PKHD1: variants seen among roughly 807,000 people sequenced by gnomAD.
PKHD1 encodes the protein PKHD1 ciliary IPT domain containing fibrocystin/polyductin, also known as fibrocystin.
Under a neutral mutation model 412.0 loss-of-function variants are expected in PKHD1, and 291 were observed. The observed-to-expected ratio is 0.71, with a 90% CI of 0.64 to 0.78. The LOEUF is 0.78. PKHD1 is among the 30% of genes least tolerant of loss of function. The pLI is 0.00. For synonymous variants in PKHD1, 1,777 were observed against 1,821.5 expected (o/e 0.98, Z 0.62); for missense variants, 4,825 against 4,950.7 (o/e 0.97, Z 0.76).
chr6:51,753,105 G>T, intron 57 of PKHD1, 96 bp downstream of exon 57: 1 of 1,102,730 alleles, frequency 9.1e-7, no homozygotes, highest in Non-Finnish European at 1.4e-6. Context: ...TGAACATTTT[G>T]TTTTATAAAT....
chr6:51,862,160 C>G (rs1321953586), intron 48 of PKHD1, among the ~76,000 whole-genome samples: 1 of 152,178 alleles, frequency 6.6e-6, no homozygotes, highest in East Asian at 1.9e-4. Flanking sequence ...GACCCTTCTT[C>G]CCAACTATAT....
Position 52,053,125 on chromosome 6 carries a change from C to T in PKHD1, c.2091G>A (p.Thr697=), listed in dbSNP as rs147826962. 15 of 1,614,192 alleles carry T rather than the reference C, an allele frequency of 9.3e-6. No individual in the cohort carries two copies. The African/African-American group carries it at 1.2e-4, about 13-fold the overall frequency. ...QINLLPLAQE[T]GLFYVDEIII... ...TAATTTCATCCACATAGAACAGGCCCGTCTCCTGGGCCAGAGGGAGAAGGT... is the reference window on the plus strand; with the variant it reads ...TAATTTCATCCACATAGAACAGGCCTGTCTCCTGGGCCAGAGGGAGAAGGT... The change falls in exon 21 of 67, where the codon ACG becomes ACA. Residue 697 remains threonine, a synonymous_variant. Transcript: ENST00000371117.
At chr6:51,912,975 T>C (rs898728883) in intron 37 of PKHD1, among the ~76,000 whole-genome samples, 3 of 152,054 alleles carry the variant, frequency 2.0e-5, no homozygotes, top group Non-Finnish European at 4.4e-5. Flanking sequence ...TCTTCCATCA[T>C]AGGGTTTTGG....
chr6:51,747,738 T>A, intron 58 of PKHD1, 49 bp downstream of exon 58: 1 of 1,521,186 alleles, frequency 6.6e-7, no homozygotes, highest in Non-Finnish European at 9.1e-7. Flanking sequence ...AAAAATTTTA[T>A]GCATGGATGT....
chr6:51,838,245 TGAGA>T (rs757104800), intron 50 of PKHD1, among the ~76,000 whole-genome samples: 2 of 152,344 alleles, frequency 1.3e-5, no homozygotes, highest in South Asian at 2.1e-4. Flanking sequence ...TTCAAATTTT[TGAGA>T]GAGAGATTTT....
At chr6:52,070,483 G>T (rs761190296) in intron 9 of PKHD1, 38 bp from the exon 10 acceptor site, 5 of 1,525,302 alleles carry the variant, frequency 3.3e-6, no homozygotes, top group Non-Finnish European at 4.5e-6. Flanking sequence ...TCAGGAATCT[G>T]CACGAGTCTT....
intron 64 of PKHD1, among the ~76,000 whole-genome samples, chr6:51,638,366 TA>T (rs1326618886): frequency 6.6e-6 from 1 of 152,172 alleles, no homozygotes; most frequent in African/African-American, 2.4e-5. Flanking sequence ...GTGTTTTTTT[TA>T]CATGTTTTGT....
chr6:51,907,316 T>C (rs538566803), intron 40 of PKHD1, among the ~76,000 whole-genome samples: 82 of 152,276 alleles, frequency 5.4e-4, no homozygotes, highest in African/African-American at 1.9e-3. Flanking sequence ...TTCTAAACTT[T>C]AACATCACTA....
intron 64 of PKHD1, among the ~76,000 whole-genome samples, chr6:51,637,966 T>C (rs1768802185): frequency 6.6e-6 from 1 of 152,190 alleles, no homozygotes; most frequent in South Asian, 2.1e-4. Flanking sequence ...TTACAGATCT[T>C]ACCAGTGTCA....
chr6:51,728,660 C>G (rs978528394), intron 60 of PKHD1, among the ~76,000 whole-genome samples: 9 of 152,196 alleles, frequency 5.9e-5, no homozygotes, highest in African/African-American at 2.2e-4. Flanking sequence ...CCTGCCATTA[C>G]CTGAATTTTG....
At chr6:51,807,921 G>A (rs569628268) in intron 52 of PKHD1, among the ~76,000 whole-genome samples, 12 of 152,094 alleles carry the variant, frequency 7.9e-5, no homozygotes, top group African/African-American at 2.2e-4. Flanking sequence ...GGGAGATTGC[G>A]GACTAGGGAG....
chr6:51,959,876 T>G lies in PKHD1; in HGVS notation c.5902A>C (p.Ile1968Leu). 2 of 1,612,942 alleles carry G rather than the reference T, an allele frequency of 1.2e-6. No homozygotes were observed. Among genetic ancestry groups the G allele is most frequent in the Non-Finnish European group, 1.7e-6 (2 of 1,179,114 alleles). Residue 1968 changes from isoleucine (I) to leucine (L), a missense_variant, in exon 36 of 67, where the codon ATT becomes CTT. Physicochemically the swap from Ile to Leu is conservative, Grantham distance 5 (BLOSUM62 2). Coordinates refer to ENST00000371117, the MANE Select transcript of PKHD1 (RefSeq NM_138694.4). ...TNTSILNLLH[I>L]KGGKLIFMAP... Reference sequence around the variant, plus strand: ...ACCTACAAACTTCACACACCTTTAATGTGCAGTAAGTTGAGGATGCTTGTG... The same window carrying G: ...ACCTACAAACTTCACACACCTTTAAGGTGCAGTAAGTTGAGGATGCTTGTG...
At chr6:51,735,311 A>G (rs1361112859) in intron 60 of PKHD1, among the ~76,000 whole-genome samples, 1 of 152,022 alleles carries the variant, frequency 6.6e-6, no homozygotes, top group African/African-American at 2.4e-5. Flanking sequence ...ACTTCTCCAA[A>G]CCTCTATTTT....
chr6:51,684,360 T>C (rs1777138261), intron 60 of PKHD1, among the ~76,000 whole-genome samples: 2 of 152,136 alleles, frequency 1.3e-5, no homozygotes, highest in South Asian at 4.1e-4. Context: ...AGATTATTTG[T>C]TAATTGGAGT....
At chr6:52,078,198 T>C (rs560180914) in intron 5 of PKHD1, among the ~76,000 whole-genome samples, 1 of 152,252 alleles carries the variant, frequency 6.6e-6, no homozygotes, top group East Asian at 1.9e-4. Flanking sequence ...AGGGCTTCAC[T>C]TGTGATTCTC....
intron 55 of PKHD1, among the ~76,000 whole-genome samples, chr6:51,771,646 T>C (rs1236305047): frequency 2.0e-5 from 3 of 152,144 alleles, no homozygotes; most frequent in Non-Finnish European, 2.9e-5. Flanking sequence ...TGTTTTGTTT[T>C]AATAACCATA....
intron 35 of PKHD1, among the ~76,000 whole-genome samples, chr6:51,982,383 G>GA (rs1795537256): frequency 7.9e-6 from 1 of 126,116 alleles, no homozygotes; most frequent in African/African-American, 2.7e-5. Context: ...GAAGGGTGGG[G>GA]AAAAAATTGA....
At chr6:52,020,816 A>G in intron 33 of PKHD1, among the ~76,000 whole-genome samples, 1 of 152,226 alleles carries the variant, frequency 6.6e-6, no homozygotes, top group East Asian at 1.9e-4. Flanking sequence ...GTTGTACTCA[A>G]TCCTGTCTGA....
chr6:51,981,315 C>CTACGTCTA (rs1795146015), intron 35 of PKHD1, among the ~76,000 whole-genome samples: 1 of 10,908 alleles, frequency 9.2e-5, no homozygotes, highest in African/African-American at 2.4e-4. Flanking sequence ...CTCAAGCTCT[C>CTACGTCTA]CCTCTCCCTC....
Sources: gnomAD v4.1 joint callset for allele counts (sites outside exome capture counted in the v4.1 genomes callset) on GRCh38, gnomAD v4.1.1 for gene constraint, MANE v1.5 for transcripts, NCBI Gene and HGNC (gene_info 2026-07-23, HGNC 2026-07-21) for gene names.